The following PCDHGA9 variants were observed in gnomAD, a reference collection of about 807,000 sequenced individuals.
The protein encoded by PCDHGA9 is protocadherin gamma subfamily A, 9.
In PCDHGA9, 37 loss-of-function variants were observed where a neutral mutation model predicts 62.5. The observed-to-expected ratio is 0.59, with a 90% CI of 0.46 to 0.78. The LOEUF (loss-of-function observed/expected upper bound fraction) is 0.78. Among genes scored for constraint, PCDHGA9 ranks in the 30% least tolerant of loss-of-function variants. PCDHGA9 has a pLI of 0.00. For synonymous variants in PCDHGA9, 459 were observed against 484.6 expected (o/e 0.95, Z 0.69); for missense variants, 1,138 against 1,166.2 (o/e 0.98, Z 0.35).
chr5:141,413,686 C>T, intron 1 of PCDHGA9: 4 of 1,613,812 alleles, frequency 2.5e-6, no homozygotes, highest in Non-Finnish European at 3.4e-6. Context: ...CGTGAACTCC[C>T]TGCAGAGCTA....
rs1395688351 is a variant in PCDHGA9 at position 141,485,907 on chromosome 5, C to A, written c.2425-8900C>A. On this transcript the variant is annotated intron_variant, in intron 1 of 3. Coordinates refer to ENST00000573521, the MANE Select transcript of PCDHGA9 (RefSeq NM_018921.3). The surrounding 1 kb of genome is among the most constrained non-coding windows in gnomAD (Gnocchi z 5.7). ...GACAACGCCCCAGCCTTCCAGCAAT[C>A]CAGCTACAGGATTAGTGTGTTGGAG... is the stretch of plus-strand genomic sequence containing the variant. 6.2e-7 allele frequency: 1 copy of A among 1,614,176 alleles called. No homozygotes were observed.
chr5:141,422,916 C>T, intron 1 of PCDHGA9: 1 of 1,614,260 alleles, frequency 6.2e-7, no homozygotes, highest in Non-Finnish European at 8.5e-7. Context: ...CGCCCGAGAT[C>T]CTGTACCCTG....
chr5:141,418,294 C>G, intron 1 of PCDHGA9: 1 of 1,613,988 alleles, frequency 6.2e-7, no homozygotes. Flanking sequence ...TCAGTGAATC[C>G]GTCAGCCTGG....
chr5:141,426,766 T>C (rs2096958771), intron 1 of PCDHGA9: 1 of 456,532 alleles, frequency 2.2e-6, no homozygotes, highest in South Asian at 1.5e-5. Flanking sequence ...GATGCAGATG[T>C]AGGGCCTCAC....
At chr5:141,439,571 G>T (rs1010967112) in intron 1 of PCDHGA9, among the ~76,000 whole-genome samples, 4 of 152,154 alleles carry the variant, frequency 2.6e-5, no homozygotes, top group Non-Finnish European at 4.4e-5. Flanking sequence ...CTAGAGTAGG[G>T]ACTCAGAGTG....
intron 3 of PCDHGA9, among the ~76,000 whole-genome samples, chr5:141,509,139 A>G (rs1042555376): frequency 2.6e-5 from 4 of 152,140 alleles, no homozygotes; most frequent in African/African-American, 9.7e-5. Flanking sequence ...ACCGAGGCGC[A>G]TCCCGGCTCT....
rs17097211 is a variant in PCDHGA9 at position 141,423,498 on chromosome 5, G to A, written c.2424+18122G>A. 9.4e-4 allele frequency: 1,510 copies of A among 1,613,948 alleles called. 9 individuals are homozygous for A. In the African/African-American group the frequency reaches 0.016, roughly 17 times the overall value. ...CTTTCCTGCAAACCTATTCCCACGA[G>A]GTCTCTCTCATTGCGGACTCGCAGA... On this transcript the variant is annotated intron_variant, in intron 1 of 3. Transcript: ENST00000573521.
intron 1 of PCDHGA9, chr5:141,412,602 T>G (rs1239898248): frequency 6.6e-6 from 1 of 152,188 alleles, no homozygotes; most frequent in African/African-American, 2.4e-5. Flanking sequence ...CTAAATAAAA[T>G]TGGCCTATTC....
intron 1 of PCDHGA9, chr5:141,441,249 TA>T (rs981387539): frequency 6.6e-6 from 1 of 152,206 alleles, no homozygotes; most frequent in Non-Finnish European, 1.5e-5. Context: ...ACAAGATCTT[TA>T]AATCACAAGA....
Position 141,476,944 on chromosome 5 carries a change from C to A in PCDHGA9, c.2425-17863C>A. The A allele has an allele frequency of 1.9e-6, 3 of 1,614,188 alleles. No individual in the cohort carries two copies. The highest frequency in any genetic ancestry group is 2.5e-6 in the Non-Finnish European group (3 of 1,180,044). ...CAACGGATCTGGATGAAGGCCCCAA[C>A]GGTGAAATTATTTACTCCTTCGGCA... On this transcript the variant is annotated intron_variant, in intron 1 of 3. Transcript: ENST00000573521. This position sits in a 1 kb window ranked among gnomAD's most constrained non-coding sequence, Gnocchi z 7.6.
chr5:141,458,408 C>T (rs895785923), intron 1 of PCDHGA9, among the ~76,000 whole-genome samples: 3 of 151,932 alleles, frequency 2.0e-5, no homozygotes, highest in Non-Finnish European at 2.9e-5. Context: ...AGAGACGGAG[C>T]GGGGGTTCCA....
chr5:141,494,891 C>G, intron 2 of PCDHGA9, 26 bp downstream of exon 2: 1 of 1,614,098 alleles, frequency 6.2e-7, no homozygotes. Flanking sequence ...TCCAGCCCAC[C>G]CTCTTCTCTG....
At chr5:141,459,930 T>C (rs1385764489) in intron 1 of PCDHGA9, among the ~76,000 whole-genome samples, 1 of 152,176 alleles carries the variant, frequency 6.6e-6, no homozygotes, top group East Asian at 1.9e-4. Context: ...TATATCCTTG[T>C]AGCTGGGCGT....
chr5:141,459,404 G>C (rs2098967432), intron 1 of PCDHGA9, among the ~76,000 whole-genome samples: 1 of 152,182 alleles, frequency 6.6e-6, no homozygotes, highest in Non-Finnish European at 1.5e-5. Flanking sequence ...GAGCAGTATT[G>C]CATTGTGTGG....
rs773484841 is a variant in PCDHGA9 at position 141,432,092 on chromosome 5, A to G, written c.2424+26716A>G. 4.3e-6 allele frequency: 7 copies of G among 1,614,104 alleles called. No individual in the cohort carries two copies. The East Asian group carries it at 1.6e-4, about 36-fold the overall frequency. On this transcript the variant is annotated intron_variant, in intron 1 of 3. Transcript: ENST00000573521. The surrounding 1 kb of genome is among the most constrained non-coding windows in gnomAD (Gnocchi z 6.0). Reference sequence around the variant, plus strand: ...TCATATCTCGCTGAACGTGGCAGACACCAACGACAACCCGCCGGTCTTCCC... The same window carrying G: ...TCATATCTCGCTGAACGTGGCAGACGCCAACGACAACCCGCCGGTCTTCCC...
chr5:141,430,897 C>T, intron 1 of PCDHGA9: 1 of 1,605,442 alleles, frequency 6.2e-7, no homozygotes, highest in Non-Finnish European at 8.5e-7. Context: ...CTAGGGTGGG[C>T]GACATCTCCA....
Position 141,404,296 on chromosome 5 carries a change from T to C in PCDHGA9, c.1344T>C (p.Asn448=). The C allele has an allele frequency of 6.2e-7, 1 of 1,613,946 alleles. No homozygotes were observed. The highest frequency in any genetic ancestry group is 8.5e-7 in the Non-Finnish European group (1 of 1,179,856). The change falls in exon 1 of 4, where the codon AAT becomes AAC. Residue 448 remains asparagine (N), a synonymous_variant. Transcript: ENST00000573521. ...TGCAAGTGACTGACATCAATGATAA[T>C]CCACCTGCTTTCTCTCAAGCCTCCT... is the stretch of plus-strand genomic sequence containing the variant. ...ITLQVTDIND[N]PPAFSQASYS...
rs117345436 is a variant in PCDHGA9 at position 141,492,015 on chromosome 5, G to T, written c.2425-2792G>T. 1,356 of 600,608 alleles carry T rather than the reference G, an allele frequency of 2.3e-3. 40 individuals carry two copies. The East Asian group carries it at 0.038, about 17-fold the overall frequency. The allele number at this position is 600,608 out of a possible 1,614,324, so 37.2% of individuals were successfully genotyped here. A position where few individuals can be genotyped will look rare whatever the true frequency, so the allele number is the denominator to read the frequency against. ...ATTTCGGGCGATTTCCGCGGGTGTC[G>T]GGGGTCCCGGGAGGAGGCAGTCACA... On this transcript the variant is annotated intron_variant, in intron 1 of 3. Transcript: ENST00000573521.
At chr5:141,412,441 G>C (rs1334085357) in intron 1 of PCDHGA9, 1 of 152,124 alleles carries the variant, frequency 6.6e-6, no homozygotes, top group African/African-American at 2.4e-5. Flanking sequence ...GTTAATTAAG[G>C]CTCAGTAAAA....
Sources: gnomAD v4.1 joint callset for allele counts (sites outside exome capture counted in the v4.1 genomes callset) on GRCh38, gnomAD v4.1.1 for gene constraint, Gnocchi (gnomAD v3.1) non-coding constraint, MANE v1.5 for transcripts, NCBI Gene and HGNC (gene_info 2026-07-23, HGNC 2026-07-21) for gene names.